DGKB: variants seen among roughly 807,000 people sequenced by gnomAD.
DGKB encodes the protein diacylglycerol kinase beta, also known as 90 kDa diacylglycerol kinase.
DGKB carries 67 observed loss-of-function variants against 114.3 expected under a neutral mutation model. The observed-to-expected ratio is 0.59, with a 90% CI of 0.48 to 0.72. DGKB has a LOEUF of 0.72. Among genes scored for constraint, DGKB ranks in the 30% least tolerant of loss-of-function variants. The probability of loss-of-function intolerance (pLI) is 0.00; values close to 1 mark genes in which losing one functional copy is unlikely to be tolerated. For synonymous variants in DGKB, 398 were observed against 323.1 expected, an observed-to-expected ratio of 1.23 and a Z score of -2.49; for missense variants, 907 against 975.2, an observed-to-expected ratio of 0.93 and a Z score of 0.93.
intron 23 of DGKB, among the ~76,000 whole-genome samples, chr7:14,278,603 C>G (rs1022064778): frequency 1.3e-5 from 2 of 151,974 alleles, no homozygotes; most frequent in South Asian, 2.1e-4. Context: ...GGGATATGAC[C>G]CCCAAAGCAC....
At chr7:14,458,488 A>G (rs1426422029) in intron 21 of DGKB, among the ~76,000 whole-genome samples, 1 of 152,092 alleles carries the variant, frequency 6.6e-6, no homozygotes, top group African/African-American at 2.4e-5. Context: ...TGCATTTCCA[A>G]CTGAGGCACC....
At chr7:14,535,275 A>G (rs1226772355) in intron 20 of DGKB, among the ~76,000 whole-genome samples, 1 of 151,982 alleles carries the variant, frequency 6.6e-6, no homozygotes, top group East Asian at 1.9e-4. Context: ...AGGCTGAGGC[A>G]GCAGGATTGC....
At chr7:14,432,985 G>C (rs1828694589) in intron 21 of DGKB, among the ~76,000 whole-genome samples, 2 of 152,166 alleles carry the variant, frequency 1.3e-5, no homozygotes, top group South Asian at 4.1e-4. Context: ...CACATGGTAA[G>C]AGCATGGTGG....
At chr7:14,462,316 G>A (rs542749440) in intron 21 of DGKB, among the ~76,000 whole-genome samples, 2 of 152,118 alleles carry the variant, frequency 1.3e-5, no homozygotes, top group Non-Finnish European at 2.9e-5. Context: ...AAGTCAAATT[G>A]TCTCTGTTTG....
At chr7:14,280,628 C>T (rs1406205350) in intron 23 of DGKB, among the ~76,000 whole-genome samples, 2 of 151,348 alleles carry the variant, frequency 1.3e-5, no homozygotes, top group Admixed American at 6.6e-5. Context: ...GGGTTCCCCT[C>T]AAAGGGAAGC....
At chr7:14,478,790 A>G (rs1044311391) in intron 20 of DGKB, among the ~76,000 whole-genome samples, 1 of 140,594 alleles carries the variant, frequency 7.1e-6, no homozygotes, top group African/African-American at 2.6e-5. Flanking sequence ...TTTCTGGCAT[A>G]GCTCGTTGAA....
intron 19 of DGKB, 52 bp downstream of exon 19, chr7:14,580,810 G>T: frequency 8.0e-7 from 1 of 1,251,264 alleles, no homozygotes; most frequent in Non-Finnish European, 1.1e-6. Flanking sequence ...TGTTTTGCAA[G>T]GGAAAGGGGT....
intron 14 of DGKB, among the ~76,000 whole-genome samples, chr7:14,628,307 ATG>A (rs139191761): frequency 3.3e-5 from 5 of 150,474 alleles, no homozygotes; most frequent in South Asian, 2.1e-4. Flanking sequence ...AACACAAGTT[ATG>A]TGTGTGTGTG....
intron 1 of DGKB, among the ~76,000 whole-genome samples, chr7:14,956,398 A>C (rs2115252728): frequency 6.6e-6 from 1 of 152,080 alleles, no homozygotes; most frequent in Middle Eastern, 3.4e-3. Flanking sequence ...GCACATAACT[A>C]TGTGCTGCAA....
chr7:14,445,293 T>C (rs997895052), intron 21 of DGKB, among the ~76,000 whole-genome samples: 1 of 151,876 alleles, frequency 6.6e-6, no homozygotes, highest in African/African-American at 2.4e-5. Flanking sequence ...TTTCCCACTA[T>C]ATATTTTAAA....
chr7:14,375,471 A>G (rs973730905), intron 21 of DGKB, among the ~76,000 whole-genome samples: 4 of 152,134 alleles, frequency 2.6e-5, no homozygotes, highest in African/African-American at 9.7e-5. Flanking sequence ...GACAAAAGAC[A>G]AAATCACAAT....
intron 20 of DGKB, among the ~76,000 whole-genome samples, chr7:14,531,916 T>A (rs977180792): frequency 6.6e-6 from 1 of 150,872 alleles, no homozygotes; most frequent in South Asian, 2.1e-4. Flanking sequence ...AACAATTCAA[T>A]AGAGAAAATA....
At position 14,574,312 on chromosome 7, in the gene DGKB, A is replaced by G; in HGVS notation, c.1670T>C (p.Met557Thr). The change falls in exon 20 of 26, where the codon ATG becomes ACG. Residue 557 changes from methionine (M) to threonine (T), a missense_variant. Physicochemically the swap from Met to Thr is moderately conservative, Grantham distance 81 (BLOSUM62 -1). Coordinates refer to ENST00000402815, the MANE Select transcript of DGKB (RefSeq NM_001350709.2). ...GACTTCAAACTTCCACCTGTCCAAC[A>G]TGATTTCTGTGCTGTTTTCAATGTC... ...LKDIENSTEI[M>T]LDRWKFEVIP... 6.2e-7 allele frequency: 1 copy of G among 1,613,482 alleles called. No homozygotes were observed. The highest frequency in any genetic ancestry group is 1.3e-5 in the African/African-American group (1 of 74,988).
At chr7:14,364,067 C>T (rs1816222930) in intron 21 of DGKB, among the ~76,000 whole-genome samples, 1 of 151,866 alleles carries the variant, frequency 6.6e-6, no homozygotes, top group African/African-American at 2.4e-5. Context: ...TTTATTGACT[C>T]AGTACAATAC....
At chr7:14,432,022 T>C (rs1174727760) in intron 21 of DGKB, among the ~76,000 whole-genome samples, 2 of 152,148 alleles carry the variant, frequency 1.3e-5, no homozygotes, top group Non-Finnish European at 1.5e-5. Flanking sequence ...AAAATGAAAG[T>C]GCTTGCCCAG....
intron 23 of DGKB, among the ~76,000 whole-genome samples, chr7:14,265,243 C>G (rs76654506): frequency 0.035 from 5,215 of 147,386 alleles, 140 homozygotes; most frequent in African/African-American, 0.075. Context: ...CAGGGTTTGG[C>G]TCGGGCTTAC....
intron 7 of DGKB, 97 bp from the exon 8 acceptor site, chr7:14,698,266 A>G (rs1271437311): frequency 1.4e-5 from 10 of 719,744 alleles, no homozygotes; most frequent in Non-Finnish European, 1.8e-5. Flanking sequence ...GTGTAGCTAA[A>G]AAAGTTAAAT....
intron 15 of DGKB, among the ~76,000 whole-genome samples, chr7:14,619,224 C>T (rs1166170192): frequency 6.6e-6 from 1 of 151,030 alleles, no homozygotes; most frequent in South Asian, 2.1e-4. Context: ...CTATACTTGT[C>T]CCACTCACAA....
intron 2 of DGKB, among the ~76,000 whole-genome samples, chr7:14,782,786 T>C (rs1219761472): frequency 6.6e-6 from 1 of 151,898 alleles, no homozygotes; most frequent in Non-Finnish European, 1.5e-5. Context: ...AGTGGAAGAG[T>C]AAGGAGGCTA....
Sources: allele counts gnomAD v4.1 joint callset (sites outside exome capture counted in the v4.1 genomes callset), GRCh38; gene constraint gnomAD v4.1.1; transcripts MANE v1.5; gene names NCBI Gene and HGNC (gene_info 2026-07-23, HGNC 2026-07-21).